Variants in TFDP2 observed in about 807,000 individuals in gnomAD.
TFDP2 encodes the protein transcription factor Dp-2.
TFDP2 carries 17 observed loss-of-function variants against 59.3 expected under a neutral mutation model. That is an observed-to-expected ratio of 0.29 (90% CI 0.20 to 0.43). The LOEUF is 0.43. TFDP2 is among the 20% of genes least tolerant of loss of function. The probability of loss-of-function intolerance (pLI) is 1.00; values close to 1 mark genes in which losing one functional copy is unlikely to be tolerated. For missense variants in TFDP2, 391 were observed against 528.8 expected, an observed-to-expected ratio of 0.74 and a Z score of 2.56; for synonymous variants, 180 against 194.7, an observed-to-expected ratio of 0.92 and a Z score of 0.63.
intron 1 of TFDP2, among the ~76,000 whole-genome samples, chr3:142,104,804 A>G (rs909135968): frequency 6.6e-6 from 1 of 152,342 alleles, no homozygotes; most frequent in East Asian, 1.9e-4. Context: ...GTGAGAACTC[A>G]AAGAAATATG....
At chr3:142,033,016 T>C (rs1263391177) in intron 3 of TFDP2, among the ~76,000 whole-genome samples, 2 of 151,936 alleles carry the variant, frequency 1.3e-5, no homozygotes, top group Admixed American at 1.3e-4. Context: ...GCCAACATGG[T>C]GAAACCCCTC....
chr3:142,002,677 A>T (rs1192786886), intron 4 of TFDP2, among the ~76,000 whole-genome samples: 1 of 151,986 alleles, frequency 6.6e-6, no homozygotes, highest in Non-Finnish European at 1.5e-5. Flanking sequence ...CATTCATCTC[A>T]AGAGGCTTTT....
intron 2 of TFDP2, among the ~76,000 whole-genome samples, chr3:142,098,082 C>T (rs759045466): frequency 2.0e-5 from 3 of 152,104 alleles, no homozygotes; most frequent in African/African-American, 4.8e-5. Context: ...TGAGCCATCG[C>T]GCTGGGCCAA....
rs575159816 is a variant in TFDP2, at chr3:142,043,336, C to T, written c.83-37792G>A. ...TGCTGGGATTACAGGCGTGAGCCAC[C>T]GCGCCCGGCCGCTTATTTTTACTCT... On this transcript the variant is annotated intron_variant, in intron 3 of 12. Transcript: ENST00000489671. 2.6e-5 allele frequency among the ~76,000 whole-genome samples: 4 copies of T among 151,864 alleles called. No individual in the cohort carries two copies. In the South Asian group the frequency reaches 6.2e-4, roughly 24 times the overall value.
At chr3:142,029,959 G>T (rs1177474433) in intron 3 of TFDP2, among the ~76,000 whole-genome samples, 2 of 152,176 alleles carry the variant, frequency 1.3e-5, no homozygotes, top group African/African-American at 2.4e-5. Flanking sequence ...TCGTTGACTA[G>T]TTATCACCTA....
At position 141,947,331 on chromosome 3, in the gene TFDP2, T is replaced by G. The variant is rs577003535; in HGVS notation, c.*5182A>C. ...TCAGCTTCACCAAAGCCAGCCCATA[T>G]GCAGAATACAGATGATCTCTTTGAT... On this transcript the variant is annotated 3_prime_UTR_variant, in exon 13 of 13. Transcript: ENST00000489671. 2.0e-5 allele frequency: 3 copies of G among 152,388 alleles called. No homozygotes were observed. In the South Asian group the frequency reaches 6.2e-4, roughly 32 times the overall value. The allele number at this position is 152,388 out of a possible 1,614,324, so 9.4% of individuals were successfully genotyped here. A position where few individuals can be genotyped will look rare whatever the true frequency, so the allele number is the denominator to read the frequency against.
chr3:142,117,130 A>G (rs2108685276), intron 1 of TFDP2, among the ~76,000 whole-genome samples: 1 of 152,240 alleles, frequency 6.6e-6, no homozygotes, highest in Middle Eastern at 3.4e-3. Flanking sequence ...CATGTTAGCC[A>G]AGCTGGTCTC....
At chr3:142,124,212 A>G (rs922826111) in intron 1 of TFDP2, among the ~76,000 whole-genome samples, 3 of 152,192 alleles carry the variant, frequency 2.0e-5, no homozygotes, top group Non-Finnish European at 4.4e-5. Flanking sequence ...AAAATTAACA[A>G]TATCTTTTCC....
intron 3 of TFDP2, among the ~76,000 whole-genome samples, chr3:142,091,905 C>G (rs1275395154): frequency 6.6e-6 from 1 of 152,184 alleles, no homozygotes; most frequent in African/African-American, 2.4e-5. Context: ...AGGCCATGAG[C>G]TCACAGCCTG....
chr3:142,074,198 C>G (rs1232934800), intron 3 of TFDP2, among the ~76,000 whole-genome samples: 1 of 150,942 alleles, frequency 6.6e-6, no homozygotes, highest in Non-Finnish European at 1.5e-5. Context: ...CACCTGAGGT[C>G]AGGAGTTCGA....
At chr3:142,024,814 G>A (rs1429686395) in intron 3 of TFDP2, among the ~76,000 whole-genome samples, 1 of 152,146 alleles carries the variant, frequency 6.6e-6, no homozygotes, top group African/African-American at 2.4e-5. Context: ...GAGGTCAGGA[G>A]TTCGAGACCA....
At chr3:142,062,223 C>T (rs969329841) in intron 3 of TFDP2, among the ~76,000 whole-genome samples, 1 of 151,960 alleles carries the variant, frequency 6.6e-6, no homozygotes, top group South Asian at 2.1e-4. Flanking sequence ...CTATAACATA[C>T]AAAATATGGG....
At chr3:142,028,189 CTTATT>C (rs1194544155) in intron 3 of TFDP2, among the ~76,000 whole-genome samples, 2 of 152,110 alleles carry the variant, frequency 1.3e-5, no homozygotes, top group African/African-American at 4.8e-5. Flanking sequence ...AAGGGCAAAG[CTTATT>C]TTATTAACTA....
chr3:142,123,173 C>T (rs2062111348), intron 1 of TFDP2, among the ~76,000 whole-genome samples: 1 of 152,160 alleles, frequency 6.6e-6, no homozygotes, highest in Non-Finnish European at 1.5e-5. Flanking sequence ...CTCTGACCGA[C>T]GCCCAGGCTG....
chr3:142,095,675 G>A (rs1160343679), intron 2 of TFDP2, among the ~76,000 whole-genome samples: 1 of 152,134 alleles, frequency 6.6e-6, no homozygotes, highest in Non-Finnish European at 1.5e-5. Context: ...TATATGTTAT[G>A]GCTCTTCAGT....
At chr3:142,142,319 T>C (rs112445486) in intron 1 of TFDP2, among the ~76,000 whole-genome samples, 1 of 152,028 alleles carries the variant, frequency 6.6e-6, no homozygotes, top group South Asian at 2.1e-4. Context: ...CAGTGAACAA[T>C]GTGAAAAAGA....
intron 1 of TFDP2, among the ~76,000 whole-genome samples, chr3:142,125,274 G>A (rs994863334): frequency 6.6e-6 from 1 of 152,064 alleles, no homozygotes; most frequent in Non-Finnish European, 1.5e-5. Context: ...CCACTCATAA[G>A]AGAAATGTAA....
chr3:142,058,042 C>A (rs184973998), intron 3 of TFDP2, among the ~76,000 whole-genome samples: 215 of 152,308 alleles, frequency 1.4e-3, no homozygotes, highest in Admixed American at 5.3e-3. Context: ...AGATTCCACA[C>A]TCAAATTTCA....
intron 3 of TFDP2, among the ~76,000 whole-genome samples, chr3:142,034,044 T>G (rs536681695): frequency 6.6e-6 from 1 of 151,900 alleles, no homozygotes; most frequent in African/African-American, 2.4e-5. Context: ...ATCACTAAAA[T>G]TTTTTAGTGT....
Sources: allele counts gnomAD v4.1 joint callset (sites outside exome capture counted in the v4.1 genomes callset), GRCh38; gene constraint gnomAD v4.1.1; transcripts MANE v1.5; gene names NCBI Gene and HGNC (gene_info 2026-07-23, HGNC 2026-07-21).